The following SPEN variants were observed in gnomAD, a reference collection of about 807,000 sequenced individuals.
SPEN encodes the protein msx2-interacting protein.
In SPEN, 18 loss-of-function variants were observed where a neutral mutation model predicts 269.9. That is an observed-to-expected ratio of 0.07 (90% CI 0.05 to 0.10). The LOEUF (loss-of-function observed/expected upper bound fraction) is 0.10, where lower values mean the gene tolerates loss of function less well. Among genes scored for constraint, SPEN ranks in the 10% least tolerant of loss-of-function variants. The pLI is 1.00. For missense variants in SPEN, 3,822 were observed against 4,631.2 expected (o/e 0.83, Z 5.07); for synonymous variants, 1,726 against 1,765.7 (o/e 0.98, Z 0.56).
intron 3 of SPEN, among the ~76,000 whole-genome samples, chr1:15,901,319 AAAAAAAAT>A (rs1222962389): frequency 2.0e-5 from 3 of 151,094 alleles, no homozygotes; most frequent in Admixed American, 6.6e-5. Context: ...CTGTCTGGTA[AAAAAAAAT>A]AAAAAAATAA....
intron 3 of SPEN, among the ~76,000 whole-genome samples, chr1:15,901,359 T>C (rs1445814560): frequency 6.8e-6 from 1 of 147,928 alleles, no homozygotes; most frequent in African/African-American, 2.5e-5. Flanking sequence ...AAAAAAAAAA[T>C]AGGCTGGGCG....
In SPEN at chr1:15,929,042, A is replaced by G. The variant is rs771774213; in HGVS notation, c.2802A>G (p.Ser934=). 2.3e-5 allele frequency: 37 copies of G among 1,614,098 alleles called. No homozygotes were observed. Among genetic ancestry groups the G allele is most frequent in the Non-Finnish European group, 2.8e-5 (33 of 1,180,054 alleles). Residue 934 remains serine (S), a synonymous_variant, in exon 11 of 15, where the codon TCA becomes TCG. Coordinates refer to ENST00000375759, the MANE Select transcript of SPEN (RefSeq NM_015001.3). This position sits in a 1 kb window ranked among gnomAD's most constrained non-coding sequence, Gnocchi z 5.8. ...AATCTGACTTGTCTAAACTGGAATC[A>G]GTTAGAATGAAAGTACCAAAGGAAA... is the stretch of plus-strand genomic sequence containing the variant. ...PAKSDLSKLE[S]VRMKVPKEKG... is the part of the protein sequence containing the mutation.
intron 10 of SPEN, among the ~76,000 whole-genome samples, chr1:15,925,956 CAGTT>C (rs1295469678): frequency 6.6e-6 from 1 of 152,136 alleles, no homozygotes; most frequent in East Asian, 1.9e-4. Context: ...TGCCTAGTAA[CAGTT>C]ATTTATGAGC....
chr1:15,902,225 G>A (rs1425936177), intron 3 of SPEN, among the ~76,000 whole-genome samples: 3 of 152,056 alleles, frequency 2.0e-5, no homozygotes, highest in Non-Finnish European at 2.9e-5. Context: ...CACTGTGCCC[G>A]GCCTGAAAAT....
At chr1:15,909,233 A>G (rs958273251) in intron 3 of SPEN, 88 bp from the exon 4 acceptor site, 9 of 1,401,816 alleles carry the variant, frequency 6.4e-6, no homozygotes, top group Non-Finnish European at 7.8e-6. Flanking sequence ...GAAAATTTAG[A>G]CCTATTAGTT....
intron 2 of SPEN, chr1:15,874,454 T>G (rs2070611989): frequency 8.1e-7 from 1 of 1,239,696 alleles, no homozygotes; most frequent in African/African-American, 1.6e-5. Context: ...CAAACTCTCT[T>G]TTTTTCCCCA....
chr1:15,876,746 A>G (rs976258821), intron 3 of SPEN, 68 bp downstream of exon 3: 3 of 1,166,838 alleles, frequency 2.6e-6, no homozygotes, highest in Middle Eastern at 5.3e-4. Context: ...ATCAGTGGGA[A>G]TGGTTTCAGC....
At chr1:15,883,263 A>G (rs1206072721) in intron 3 of SPEN, among the ~76,000 whole-genome samples, 1 of 152,224 alleles carries the variant, frequency 6.6e-6, no homozygotes, top group Non-Finnish European at 1.5e-5. Context: ...GGGGAAGCAG[A>G]CATGTGAAAC....
intron 3 of SPEN, among the ~76,000 whole-genome samples, chr1:15,877,221 CT>C (rs2070640757): frequency 6.6e-6 from 1 of 152,134 alleles, no homozygotes; most frequent in African/African-American, 2.4e-5. Flanking sequence ...CAGGTTGTAA[CT>C]TTACTGTTCT....
At chr1:15,867,959 G>A (rs2070531986) in intron 1 of SPEN, among the ~76,000 whole-genome samples, 1 of 151,730 alleles carries the variant, frequency 6.6e-6, no homozygotes, top group Admixed American at 6.6e-5. Flanking sequence ...TCAGCCTCCT[G>A]AGTAGCTGGG....
intron 10 of SPEN, among the ~76,000 whole-genome samples, chr1:15,927,142 T>A (rs929578089): frequency 2.6e-5 from 4 of 152,224 alleles, no homozygotes; most frequent in Non-Finnish European, 5.9e-5. Context: ...TCATATAATA[T>A]ATGTTCTTGT....
chr1:15,874,979 A>T (rs2070616470), intron 2 of SPEN, among the ~76,000 whole-genome samples: 2 of 152,122 alleles, frequency 1.3e-5, no homozygotes, highest in South Asian at 4.1e-4. Flanking sequence ...ATTAATTGTT[A>T]TAAGATTTTG....
rs146173073 is a variant in SPEN, at chr1:15,920,891, G to A, written c.1657G>A (p.Gly553Ser). The A allele has an allele frequency of 5.4e-4, 874 of 1,610,232 alleles. 3 individuals carry two copies. In the African/African-American group the frequency reaches 0.01, roughly 19 times the overall value. Residue 553 changes from glycine (G) to serine (S), a missense_variant, in exon 9 of 15, where the codon GGC becomes AGC. By Grantham distance (56) the Gly-to-Ser change is moderately conservative. Transcript: ENST00000375759. ...ACAGGTGGTGTTTGACCGCTTAAAA[G>A]GCATGGCCCTGGTTCTCTACAATGA... ...VVKVVFDRLK[G>S]MALVLYNEIE...
At chr1:15,859,715 A>G (rs975126448) in intron 1 of SPEN, among the ~76,000 whole-genome samples, 1 of 151,816 alleles carries the variant, frequency 6.6e-6, no homozygotes, top group Non-Finnish European at 1.5e-5. Flanking sequence ...GAGTTGTAGC[A>G]TTTTATTTCC....
At chr1:15,856,934 A>G (rs2070393658) in intron 1 of SPEN, among the ~76,000 whole-genome samples, 1 of 152,162 alleles carries the variant, frequency 6.6e-6, no homozygotes, top group Middle Eastern at 3.2e-3. Context: ...TTTGTGTTAT[A>G]TATCTTAAAA....
At chr1:15,888,714 C>T (rs1337512682) in intron 3 of SPEN, among the ~76,000 whole-genome samples, 1 of 149,306 alleles carries the variant, frequency 6.7e-6, no homozygotes, top group East Asian at 2.0e-4. Context: ...CTCACCGCGA[C>T]CTCCACCTTC....
rs1435048286 is a variant in SPEN at position 15,935,220 on chromosome 1, C to G, written c.8980C>G (p.Leu2994Val). 1 of 1,614,186 alleles carries G rather than the reference C, an allele frequency of 6.2e-7. No homozygotes were observed. ...PHHPPALPSK[L>V]PTEVNHVPSG... ...CCACCCTCCTGCTCTGCCCAGCAAA[C>G]TGCCTACAGAAGTCAACCATGTCCC... The change falls in exon 11 of 15, where the codon CTG becomes GTG. Residue 2994 changes from leucine to valine, a missense_variant. This residue lies in a region of SPEN where 94 missense variants were observed against 90.4 expected (regional missense o/e 1.04). Coordinates refer to ENST00000375759, the MANE Select transcript of SPEN (RefSeq NM_015001.3). The surrounding 1 kb of genome is among the most constrained non-coding windows in gnomAD (Gnocchi z 7.7).
intron 1 of SPEN, among the ~76,000 whole-genome samples, chr1:15,870,036 T>G (rs1031687959): frequency 1.3e-5 from 2 of 151,970 alleles, no homozygotes; most frequent in Non-Finnish European, 2.9e-5. Flanking sequence ...GCCTGGCTAA[T>G]TTTTGTATTT....
chr1:15,901,662 A>C (rs2070901965), intron 3 of SPEN, among the ~76,000 whole-genome samples: 1 of 151,330 alleles, frequency 6.6e-6, no homozygotes, highest in African/African-American at 2.4e-5. Context: ...AAAAAAAAAA[A>C]AAAAAAACAC....
Sources: gnomAD v4.1 joint callset for allele counts (sites outside exome capture counted in the v4.1 genomes callset) on GRCh38, gnomAD v4.1.1 for gene constraint, gnomAD v4.1.1 regional missense constraint, Gnocchi (gnomAD v3.1) non-coding constraint, MANE v1.5 for transcripts, NCBI Gene and HGNC (gene_info 2026-07-23, HGNC 2026-07-21) for gene names.